The following ESR1 variants were observed in gnomAD, a reference collection of about 807,000 sequenced individuals.
ESR1 encodes estrogen receptor.
ESR1 carries 12 observed loss-of-function variants against 52.7 expected under a neutral mutation model. That is an observed-to-expected ratio of 0.23 (90% CI 0.15 to 0.37). The LOEUF (loss-of-function observed/expected upper bound fraction) is 0.37, where lower values mean the gene tolerates loss of function less well. ESR1 is among the 10% of genes least tolerant of loss of function. The pLI is 1.00. For synonymous variants in ESR1, 305 were observed against 316.8 expected, an observed-to-expected ratio of 0.96 and a Z score of 0.39; for missense variants, 584 against 779.7, an observed-to-expected ratio of 0.75 and a Z score of 2.99.
At chr6:151,908,529 C>A (rs1346321411) in intron 3 of ESR1, among the ~76,000 whole-genome samples, 2 of 152,124 alleles carry the variant, frequency 1.3e-5, no homozygotes, top group Non-Finnish European at 2.9e-5. Context: ...TGGAAGGCAG[C>A]CACTGAGGCA....
At chr6:152,065,970 T>G (rs576386203) in intron 6 of ESR1, among the ~76,000 whole-genome samples, 1 of 152,204 alleles carries the variant, frequency 6.6e-6, no homozygotes, top group African/African-American at 2.4e-5. Flanking sequence ...GAGAAAGAAT[T>G]ATGGCAACAT....
chr6:151,719,323 G>A (rs2128014386), intron 2 of ESR1, among the ~76,000 whole-genome samples: 1 of 152,112 alleles, frequency 6.6e-6, no homozygotes, highest in Middle Eastern at 3.4e-3. Flanking sequence ...AGCCAGGTAA[G>A]GCAGATTGGC....
intron 3 of ESR1, among the ~76,000 whole-genome samples, chr6:151,943,038 C>A (rs1294919016): frequency 6.6e-6 from 1 of 152,166 alleles, no homozygotes; most frequent in Non-Finnish European, 1.5e-5. Flanking sequence ...TGGATCCCCC[C>A]TCTTCACCCC....
chr6:151,801,806 T>C (rs1777272693), upstream of ESR1, among the ~76,000 whole-genome samples: 1 of 152,228 alleles, frequency 6.6e-6, no homozygotes, highest in Non-Finnish European at 1.5e-5. Context: ...AGAGTCTGAC[T>C]GAGAAGAGGA....
intron 5 of ESR1, among the ~76,000 whole-genome samples, chr6:152,039,515 T>C (rs2982720): frequency 0.44 from 66,689 of 151,830 alleles, 16,584 homozygotes; most frequent in African/African-American, 0.67. Flanking sequence ...TGTCTCCTGG[T>C]GGCAACATTC....
At chr6:152,038,362 C>A (rs929813001) in intron 5 of ESR1, among the ~76,000 whole-genome samples, 1 of 152,154 alleles carries the variant, frequency 6.6e-6, no homozygotes, top group Non-Finnish European at 1.5e-5. Context: ...TTTGGTAATA[C>A]CCTCACAGAC....
chr6:152,004,432 A>G (rs1166560282), intron 4 of ESR1, among the ~76,000 whole-genome samples: 2 of 151,966 alleles, frequency 1.3e-5, no homozygotes, highest in African/African-American at 2.4e-5. Flanking sequence ...TTAGCCACTC[A>G]TCGTATTTAA....
At chr6:151,793,649 A>G (rs928560941) in intron 2 of ESR1, among the ~76,000 whole-genome samples, 2 of 152,202 alleles carry the variant, frequency 1.3e-5, no homozygotes, top group Non-Finnish European at 2.9e-5. Context: ...TCAGGAGGCA[A>G]TAGGAATTTT....
intron 1 of ESR1, among the ~76,000 whole-genome samples, chr6:151,697,715 G>A (rs1236829879): frequency 6.6e-6 from 1 of 152,168 alleles, no homozygotes; most frequent in Non-Finnish European, 1.5e-5. Flanking sequence ...AAAATGGATG[G>A]CATCTTTGGA....
intron 4 of ESR1, among the ~76,000 whole-genome samples, chr6:151,964,864 G>C (rs13214523): frequency 6.6e-6 from 1 of 151,988 alleles, no homozygotes; most frequent in Non-Finnish European, 1.5e-5. Flanking sequence ...GGATGGTCTC[G>C]ATCTCCTGAC....
At chr6:152,049,678 G>A (rs769196642) in intron 5 of ESR1, among the ~76,000 whole-genome samples, 2 of 152,172 alleles carry the variant, frequency 1.3e-5, no homozygotes, top group Non-Finnish European at 2.9e-5. Flanking sequence ...GTTGAGGTTC[G>A]CCTGTGGAGG....
intron 5 of ESR1, among the ~76,000 whole-genome samples, chr6:152,042,222 G>A (rs924181292): frequency 6.6e-6 from 1 of 152,100 alleles, no homozygotes; most frequent in Non-Finnish European, 1.5e-5. Context: ...GCCAATGTGG[G>A]GGTTCTGCCA....
At chr6:151,973,596 C>T (rs748990818) in intron 4 of ESR1, among the ~76,000 whole-genome samples, 1 of 152,114 alleles carries the variant, frequency 6.6e-6, no homozygotes, top group Admixed American at 6.6e-5. Context: ...TACCAGCCTC[C>T]GCAGGCCCTC....
intron 1 of ESR1, among the ~76,000 whole-genome samples, chr6:151,835,783 A>G (rs1205065624): frequency 7.4e-6 from 1 of 134,866 alleles, no homozygotes; most frequent in Non-Finnish European, 1.6e-5. Flanking sequence ...ATTTGGACTT[A>G]AGTCTATATA....
chr6:152,024,970 A>G (rs1490459679), intron 5 of ESR1, among the ~76,000 whole-genome samples: 1 of 151,446 alleles, frequency 6.6e-6, no homozygotes, highest in East Asian at 1.9e-4. Flanking sequence ...AAAGTGTCTA[A>G]AAGATTTTTT....
chr6:151,905,978 G>A (rs550921482), intron 3 of ESR1, among the ~76,000 whole-genome samples: 1 of 152,230 alleles, frequency 6.6e-6, no homozygotes, highest in East Asian at 1.9e-4. Flanking sequence ...GCATGTGGGA[G>A]TTATTTATAT....
chr6:152,029,526 G>A (rs1240492773), intron 5 of ESR1, among the ~76,000 whole-genome samples: 2 of 152,166 alleles, frequency 1.3e-5, no homozygotes, highest in Non-Finnish European at 2.9e-5. Flanking sequence ...CAATCAACTG[G>A]AAGAAAGGTT....
At chr6:151,953,117 A>G (rs549921636) in intron 4 of ESR1, among the ~76,000 whole-genome samples, 2 of 152,296 alleles carry the variant, frequency 1.3e-5, no homozygotes, top group Admixed American at 1.3e-4. Context: ...AGGCCTCTCC[A>G]AGATGCATGT....
chr6:151,786,636 T>A (rs1428622409), intron 2 of ESR1, among the ~76,000 whole-genome samples: 2 of 151,342 alleles, frequency 1.3e-5, no homozygotes, highest in South Asian at 2.1e-4. Context: ...GTTGATTTTT[T>A]AAAAAATCTG....
Sources: allele counts gnomAD v4.1 joint callset (sites outside exome capture counted in the v4.1 genomes callset), GRCh38; gene constraint gnomAD v4.1.1; transcripts MANE v1.5; gene names NCBI Gene and HGNC (gene_info 2026-07-23, HGNC 2026-07-21).